Variants in CDH13 observed in about 807,000 individuals in gnomAD.
CDH13 encodes cadherin 13, also known as cadherin-13.
CDH13 carries 24 observed loss-of-function variants against 63.8 expected under a neutral mutation model. That is an observed-to-expected ratio of 0.38 (90% CI 0.27 to 0.53). The LOEUF (loss-of-function observed/expected upper bound fraction) is 0.53. Ranked by LOEUF, CDH13 falls within the 20% of genes least tolerant of loss-of-function variation. The pLI is 0.85. For missense variants in CDH13, 1,049 were observed against 903.1 expected, an observed-to-expected ratio of 1.16 and a Z score of -2.07; for synonymous variants, 503 against 355.3, an observed-to-expected ratio of 1.42 and a Z score of -4.67.
intron 6 of CDH13, among the ~76,000 whole-genome samples, chr16:83,483,377 G>A (rs767441182): frequency 2.6e-5 from 4 of 151,856 alleles, no homozygotes; most frequent in Non-Finnish European, 4.4e-5. Context: ...GGATAATTTT[G>A]TGTTACATCA....
chr16:82,939,090 TG>T (rs889749533), intron 2 of CDH13, among the ~76,000 whole-genome samples: 2 of 152,204 alleles, frequency 1.3e-5, no homozygotes, highest in Admixed American at 6.5e-5. Flanking sequence ...GGCAAGACAC[TG>T]ACAGCATCTC....
chr16:82,923,555 G>T (rs2042219576), intron 2 of CDH13, among the ~76,000 whole-genome samples: 1 of 152,112 alleles, frequency 6.6e-6, no homozygotes, highest in Non-Finnish European at 1.5e-5. Flanking sequence ...AATCTAGTGG[G>T]GCATCAGACA....
chr16:83,326,520 G>T (rs1200566502), intron 5 of CDH13, among the ~76,000 whole-genome samples: 1 of 151,702 alleles, frequency 6.6e-6, no homozygotes, highest in East Asian at 1.9e-4. Flanking sequence ...AGAATGGCAG[G>T]ACTATATAGT....
At chr16:83,336,129 C>T (rs537211719) in intron 5 of CDH13, among the ~76,000 whole-genome samples, 3 of 151,900 alleles carry the variant, frequency 2.0e-5, no homozygotes, top group East Asian at 3.9e-4. Flanking sequence ...GGTGAAACCC[C>T]GTCTCTGCTA....
intron 8 of CDH13, among the ~76,000 whole-genome samples, chr16:83,656,825 C>T (rs943123256): frequency 2.0e-5 from 3 of 152,160 alleles, no homozygotes; most frequent in African/African-American, 7.2e-5. Context: ...AATAAGACAG[C>T]ATGGTGTAAG....
chr16:82,788,063 A>G (rs1373506252), intron 1 of CDH13, among the ~76,000 whole-genome samples: 1 of 152,188 alleles, frequency 6.6e-6, no homozygotes, highest in Non-Finnish European at 1.5e-5. Flanking sequence ...TTGGAATAAT[A>G]AGTCAGTGCT....
At chr16:82,957,933 T>C (rs1266868937) in intron 2 of CDH13, among the ~76,000 whole-genome samples, 2 of 152,238 alleles carry the variant, frequency 1.3e-5, no homozygotes, top group African/African-American at 4.8e-5. Context: ...TATTTCTTCA[T>C]AAGGCAAGAC....
At chr16:82,816,815 G>T (rs1050183940) in intron 1 of CDH13, among the ~76,000 whole-genome samples, 1 of 117,436 alleles carries the variant, frequency 8.5e-6, no homozygotes, top group African/African-American at 3.2e-5. Context: ...GGGGGCGGGG[G>T]GTGGGGGGGA....
At chr16:83,472,050 T>A (rs1043830989) in intron 6 of CDH13, among the ~76,000 whole-genome samples, 1 of 152,248 alleles carries the variant, frequency 6.6e-6, no homozygotes, top group Non-Finnish European at 1.5e-5. Context: ...TCTCCCGTCT[T>A]TTGATAACAA....
At chr16:83,171,510 T>C in intron 4 of CDH13, 2 of 1,532,120 alleles carry the variant, frequency 1.3e-6, no homozygotes, top group Non-Finnish European at 8.7e-7. Context: ...ATAAATAATC[T>C]TTGTTTTTCA....
chr16:83,118,352 C>G (rs549490861), intron 3 of CDH13, among the ~76,000 whole-genome samples: 5 of 152,208 alleles, frequency 3.3e-5, no homozygotes, highest in Non-Finnish European at 5.9e-5. Context: ...GCATGTACAT[C>G]TGCTCGTGAG....
intron 1 of CDH13, among the ~76,000 whole-genome samples, chr16:82,718,066 G>C (rs1243323376): frequency 6.6e-6 from 1 of 152,220 alleles, no homozygotes; most frequent in African/African-American, 2.4e-5. Context: ...GTGTTTATTT[G>C]AGAGGTGATC....
chr16:83,625,066 A>T (rs574656470), intron 8 of CDH13, among the ~76,000 whole-genome samples: 7 of 152,270 alleles, frequency 4.6e-5, no homozygotes, highest in Admixed American at 3.3e-4. Context: ...CAAGCTACAA[A>T]TCAGGGCTTT....
At chr16:83,159,688 T>C (rs1229790782) in intron 4 of CDH13, among the ~76,000 whole-genome samples, 6 of 152,238 alleles carry the variant, frequency 3.9e-5, no homozygotes, top group Non-Finnish European at 5.9e-5. Flanking sequence ...CATTTGAACG[T>C]ACATGGCATC....
intron 1 of CDH13, among the ~76,000 whole-genome samples, chr16:82,754,743 T>G (rs1364903236): frequency 6.6e-6 from 1 of 152,230 alleles, no homozygotes; most frequent in Non-Finnish European, 1.5e-5. Flanking sequence ...GACAGGACTT[T>G]GCTATCTAGA....
At chr16:83,340,493 C>A (rs1216823431) in intron 5 of CDH13, among the ~76,000 whole-genome samples, 1 of 152,166 alleles carries the variant, frequency 6.6e-6, no homozygotes, top group Admixed American at 6.5e-5. Flanking sequence ...TATAGCTGAA[C>A]CTGGGAATAC....
chr16:83,310,736 G>C (rs1353435902), intron 5 of CDH13, among the ~76,000 whole-genome samples: 2 of 152,210 alleles, frequency 1.3e-5, no homozygotes, highest in African/African-American at 4.8e-5. Context: ...CAGCACAATA[G>C]TGTCTGCTGC....
chr16:83,472,083 G>A (rs4782798), intron 6 of CDH13, among the ~76,000 whole-genome samples: 69,075 of 151,980 alleles, frequency 0.45, 16,472 homozygotes, highest in East Asian at 0.83. Flanking sequence ...AGAACACAGT[G>A]TCCTGGGCTG....
chr16:82,655,093 G>A (rs1294551094), intron 1 of CDH13, among the ~76,000 whole-genome samples: 1 of 152,192 alleles, frequency 6.6e-6, no homozygotes, highest in Non-Finnish European at 1.5e-5. Context: ...CTTTCCCATT[G>A]TATCAGGGGA....
Sources: allele counts gnomAD v4.1 joint callset (sites outside exome capture counted in the v4.1 genomes callset), GRCh38; gene constraint gnomAD v4.1.1; transcripts MANE v1.5; gene names NCBI Gene and HGNC (gene_info 2026-07-23, HGNC 2026-07-21).